Variants in SNX25 observed in about 807,000 individuals in gnomAD.
SNX25 encodes sorting nexin 25.
Under a neutral mutation model 113.7 loss-of-function variants are expected in SNX25, and 62 were observed. That is an observed-to-expected ratio of 0.55 (90% CI 0.44 to 0.67). The LOEUF (loss-of-function observed/expected upper bound fraction) is 0.67, where lower values mean the gene tolerates loss of function less well. SNX25 is among the 30% of genes least tolerant of loss of function. SNX25 has a pLI of 0.00. For missense variants in SNX25, 1,014 were observed against 1,161.0 expected, an observed-to-expected ratio of 0.87 and a Z score of 1.84; for synonymous variants, 421 against 436.2, an observed-to-expected ratio of 0.97 and a Z score of 0.43.
intron 9 of SNX25, among the ~76,000 whole-genome samples, chr4:185,325,675 A>C (rs148251756): frequency 2.6e-5 from 4 of 152,220 alleles, no homozygotes. Flanking sequence ...TTTGTTCTGC[A>C]GAAGGAATCT....
chr4:185,282,339 T>G (rs1258864844), intron 5 of SNX25, among the ~76,000 whole-genome samples: 1 of 152,058 alleles, frequency 6.6e-6, no homozygotes, highest in African/African-American at 2.4e-5. Flanking sequence ...TTTATTTATT[T>G]AGTATTTTTA....
At chr4:185,239,741 A>T (rs1467310686) in intron 1 of SNX25, among the ~76,000 whole-genome samples, 22 of 119,498 alleles carry the variant, frequency 1.8e-4, no homozygotes, top group East Asian at 4.6e-4. Context: ...TTTTTCACTT[A>T]TTTAAATAGA....
chr4:185,230,436 C>G (rs1178248812), intron 1 of SNX25, among the ~76,000 whole-genome samples: 1 of 151,068 alleles, frequency 6.6e-6, no homozygotes, highest in African/African-American at 2.4e-5. Flanking sequence ...TCTTGTTGCC[C>G]AGGCTGGAGT....
chr4:185,220,748 G>C (rs1220314253), intron 1 of SNX25, among the ~76,000 whole-genome samples: 1 of 152,128 alleles, frequency 6.6e-6, no homozygotes, highest in African/African-American at 2.4e-5. Context: ...CCAAAGTGCT[G>C]GGATTACAGG....
intron 6 of SNX25, among the ~76,000 whole-genome samples, chr4:185,303,176 G>A (rs1262603337): frequency 6.6e-6 from 1 of 152,162 alleles, no homozygotes; most frequent in Non-Finnish European, 1.5e-5. Flanking sequence ...AACAAGCATT[G>A]TATGGGTCAG....
chr4:185,319,258 T>G (rs13110808), intron 7 of SNX25, among the ~76,000 whole-genome samples: 1 of 144,306 alleles, frequency 6.9e-6, no homozygotes, highest in South Asian at 2.3e-4. Context: ...AGTGCAATGG[T>G]GCAATCTCAG....
intron 16 of SNX25, among the ~76,000 whole-genome samples, chr4:185,361,017 A>T (rs1418184891): frequency 6.6e-6 from 1 of 151,872 alleles, no homozygotes; most frequent in Non-Finnish European, 1.5e-5. Flanking sequence ...AATAAAATGC[A>T]TAACTGTGCA....
chr4:185,307,546 C>T (rs764974402), intron 6 of SNX25, among the ~76,000 whole-genome samples: 38 of 152,154 alleles, frequency 2.5e-4, no homozygotes, highest in Admixed American at 9.8e-4. Context: ...CTTTTACCCC[C>T]TCACTCCACA....
intron 1 of SNX25, among the ~76,000 whole-genome samples, chr4:185,225,121 T>C (rs1276485000): frequency 5.4e-5 from 8 of 147,780 alleles, no homozygotes; most frequent in Admixed American, 2.0e-4. Flanking sequence ...ATGTCTTCTT[T>C]TTTTTTTTTT....
chr4:185,330,383 C>A (rs2095185834), intron 9 of SNX25, among the ~76,000 whole-genome samples: 1 of 152,184 alleles, frequency 6.6e-6, no homozygotes, highest in Admixed American at 6.5e-5. Context: ...GGTTTATGAT[C>A]TTGCTGACCT....
chr4:185,370,780 T>C (rs1389306040), downstream of SNX25: 5 of 1,613,966 alleles, frequency 3.1e-6, no homozygotes, highest in African/African-American at 2.7e-5. Flanking sequence ...TGGGCGATCA[T>C]GGGGATGTCG....
chr4:185,315,747 G>C (rs2095069146), intron 7 of SNX25, among the ~76,000 whole-genome samples: 1 of 152,194 alleles, frequency 6.6e-6, no homozygotes, highest in Non-Finnish European at 1.5e-5. Flanking sequence ...ACTTCAAAAT[G>C]GTGTCTCTCA....
intron 15 of SNX25, among the ~76,000 whole-genome samples, chr4:185,355,814 C>T: frequency 6.6e-6 from 1 of 152,146 alleles, no homozygotes; most frequent in East Asian, 1.9e-4. Flanking sequence ...ATGAGTCTCC[C>T]CAGTTTCCTA....
chr4:185,322,514 A>G (rs1391733437), intron 8 of SNX25, among the ~76,000 whole-genome samples: 1 of 152,216 alleles, frequency 6.6e-6, no homozygotes, highest in African/African-American at 2.4e-5. Context: ...TAGACTGCCA[A>G]ATATATTGTA....
intron 5 of SNX25, among the ~76,000 whole-genome samples, chr4:185,269,063 CT>C (rs1748541005): frequency 6.6e-6 from 1 of 152,098 alleles, no homozygotes; most frequent in African/African-American, 2.4e-5. Flanking sequence ...CTAGACATTT[CT>C]TTTTCGTAAG....
chr4:185,311,121 A>G (rs186666644), intron 7 of SNX25, among the ~76,000 whole-genome samples: 70 of 152,256 alleles, frequency 4.6e-4, no homozygotes, highest in Non-Finnish European at 8.4e-4. Flanking sequence ...CAAGACTCCA[A>G]TCAAGTTTCC....
At chr4:185,240,047 G>C (rs564541050) in intron 1 of SNX25, among the ~76,000 whole-genome samples, 84 of 151,396 alleles carry the variant, frequency 5.5e-4, no homozygotes, top group Admixed American at 7.9e-4. Context: ...ACCCTGAGTG[G>C]ACACAGCACA....
intron 5 of SNX25, among the ~76,000 whole-genome samples, chr4:185,281,661 A>G (rs1029211653): frequency 2.0e-5 from 3 of 152,142 alleles, no homozygotes; most frequent in South Asian, 2.1e-4. Context: ...CACAAATTCT[A>G]TAACTGAAGT....
intron 2 of SNX25, among the ~76,000 whole-genome samples, chr4:185,252,828 A>C (rs1024994267): frequency 6.6e-6 from 1 of 152,214 alleles, no homozygotes; most frequent in Non-Finnish European, 1.5e-5. Flanking sequence ...CTGTGGAACA[A>C]TATGAAATAC....
Sources: gnomAD v4.1 joint callset for allele counts (sites outside exome capture counted in the v4.1 genomes callset) on GRCh38, gnomAD v4.1.1 for gene constraint, MANE v1.5 for transcripts, NCBI Gene and HGNC (gene_info 2026-07-23, HGNC 2026-07-21) for gene names.